LRBA: variants seen among roughly 807,000 people sequenced by gnomAD.
The protein encoded by LRBA is lipopolysaccharide-responsive and beige-like anchor protein.
A neutral mutation model predicts 330.0 loss-of-function variants in LRBA; 176 were observed. The ratio of observed to expected loss-of-function variants is 0.53; its 90% confidence interval spans 0.47 to 0.60. The LOEUF (loss-of-function observed/expected upper bound fraction) is 0.60, where lower values mean the gene tolerates loss of function less well. LRBA is among the 20% of genes least tolerant of loss of function. LRBA has a pLI of 0.00. For missense variants in LRBA, 3,259 were observed against 3,444.8 expected (o/e 0.95, Z 1.35); for synonymous variants, 1,230 against 1,193.0 (o/e 1.03, Z -0.64).
rs963925313 is a variant in LRBA at position 150,376,267 on chromosome 4, T to G, written c.7195-26108A>C. Among the ~76,000 whole-genome samples, 4 of 152,184 alleles carry G rather than the reference T, an allele frequency of 2.6e-5. No homozygotes were observed. The East Asian group carries it at 7.7e-4, about 29-fold the overall frequency. ...TTACTTTTTTTTTATGGCAACTCCT[T>G]TTATTAAAATATTAGGTAGTTTATC... is the stretch of plus-strand genomic sequence containing the variant. On this transcript the variant is annotated intron_variant, in intron 47 of 56. Transcript: ENST00000651943.
In LRBA at chr4:150,806,415, G is replaced by C. The variant is rs1408897913; in HGVS notation, c.5385-11C>G. The C allele has an allele frequency of 6.4e-7, 1 of 1,571,410 alleles. No homozygotes were observed. The highest frequency in any genetic ancestry group is 1.2e-5 in the South Asian group (1 of 81,750). On this transcript the variant is annotated splice_polypyrimidine_tract_variant and intron_variant, in intron 32 of 56. Coordinates refer to ENST00000651943, the MANE Select transcript of LRBA (RefSeq NM_001364905.1). ...AGCCTCTCTGTAATACTAAGGAAAA[G>C]ACATTAAGTTACTTGAACTATTCAA... is the stretch of plus-strand genomic sequence containing the variant.
At chr4:150,970,523 T>TTGTGTGTGTGTG (rs372306849) in intron 2 of LRBA, 14 of 115,632 alleles carry the variant, frequency 1.2e-4, no homozygotes, top group African/African-American at 4.4e-4. Flanking sequence ...TAATATATAC[T>TTGTGTGTGTGTG]TGTGTGTGTG....
At chr4:150,506,975 C>A (rs1162504016) in intron 40 of LRBA, among the ~76,000 whole-genome samples, 4 of 151,538 alleles carry the variant, frequency 2.6e-5, no homozygotes, top group Non-Finnish European at 5.9e-5. Flanking sequence ...CTCCCATTCA[C>A]AATTGCTTCA....
At chr4:150,639,044 T>A (rs1778222751) in intron 37 of LRBA, among the ~76,000 whole-genome samples, 1 of 125,692 alleles carries the variant, frequency 8.0e-6, no homozygotes, top group South Asian at 2.8e-4. Flanking sequence ...TGAGTTCATG[T>A]CCTTTGTAGG....
chr4:150,679,766 G>C (rs540485759), intron 37 of LRBA: 9 of 152,078 alleles, frequency 5.9e-5, no homozygotes, highest in African/African-American at 2.2e-4. Flanking sequence ...TTGATATGAG[G>C]TTCCGTTAAA....
At chr4:150,899,984 C>A in intron 14 of LRBA, 65 bp downstream of exon 14, 6 of 1,317,696 alleles carry the variant, frequency 4.6e-6, no homozygotes, top group East Asian at 2.4e-5. Context: ...CTGGTTAAAA[C>A]AAAAAGAAAA....
At chr4:150,424,005 T>C (rs1344397889) in intron 46 of LRBA, among the ~76,000 whole-genome samples, 1 of 152,178 alleles carries the variant, frequency 6.6e-6, no homozygotes, top group African/African-American at 2.4e-5. Context: ...TGTAATACAT[T>C]GTATTTCGCT....
chr4:150,480,229 C>T (rs1757146328), intron 42 of LRBA, among the ~76,000 whole-genome samples: 1 of 152,114 alleles, frequency 6.6e-6, no homozygotes, highest in African/African-American at 2.4e-5. Context: ...CATACACCTA[C>T]ACTCTCCCAA....
intron 40 of LRBA, among the ~76,000 whole-genome samples, chr4:150,549,624 C>A (rs1254442359): frequency 6.6e-6 from 1 of 152,168 alleles, no homozygotes; most frequent in Non-Finnish European, 1.5e-5. Context: ...AGCCACTGCA[C>A]CCAGCCTCAT....
At chr4:150,748,372 A>G (rs1157361253) in intron 35 of LRBA, among the ~76,000 whole-genome samples, 1 of 152,122 alleles carries the variant, frequency 6.6e-6, no homozygotes, top group Non-Finnish European at 1.5e-5. Flanking sequence ...ATCAACATAC[A>G]AAAGAATGAA....
intron 56 of LRBA, among the ~76,000 whole-genome samples, chr4:150,277,505 G>A (rs1368723210): frequency 1.3e-5 from 2 of 152,060 alleles, no homozygotes; most frequent in African/African-American, 4.8e-5. Context: ...TATTCCTTGA[G>A]AACTCAGCCT....
intron 46 of LRBA, chr4:150,423,614 A>G: frequency 3.2e-6 from 1 of 313,170 alleles, no homozygotes; most frequent in Non-Finnish European, 6.1e-6. Context: ...CGAATGGTGA[A>G]ATGTCCTCAC....
chr4:150,336,779 T>C (rs559435564), intron 48 of LRBA, among the ~76,000 whole-genome samples: 1 of 152,316 alleles, frequency 6.6e-6, no homozygotes, highest in African/African-American at 2.4e-5. Context: ...CCAGTTCTTG[T>C]AGCTGTCCAT....
intron 2 of LRBA, among the ~76,000 whole-genome samples, chr4:151,010,294 G>C (rs1744675799): frequency 6.6e-6 from 1 of 152,180 alleles, no homozygotes; most frequent in Admixed American, 6.6e-5. Context: ...CTTAAACTCA[G>C]CAGCAAGTTC....
At chr4:150,814,691 G>GA (rs1044598733) in intron 31 of LRBA, among the ~76,000 whole-genome samples, 3 of 149,018 alleles carry the variant, frequency 2.0e-5, no homozygotes, top group Admixed American at 6.7e-5. Flanking sequence ...GCTCAAGATG[G>GA]AAAAAAAAAT....
intron 40 of LRBA, among the ~76,000 whole-genome samples, chr4:150,508,273 G>C (rs1416893829): frequency 7.6e-6 from 1 of 131,058 alleles, no homozygotes; most frequent in Non-Finnish European, 1.6e-5. Context: ...CATCACATGA[G>C]ACCAAGCAGT....
At chr4:150,539,542 T>C (rs1765089603) in intron 40 of LRBA, among the ~76,000 whole-genome samples, 1 of 152,208 alleles carries the variant, frequency 6.6e-6, no homozygotes, top group Non-Finnish European at 1.5e-5. Flanking sequence ...TCAATTGAAA[T>C]TAATACCAGT....
At chr4:150,435,308 G>A (rs993355145) in intron 46 of LRBA, among the ~76,000 whole-genome samples, 1 of 152,054 alleles carries the variant, frequency 6.6e-6, no homozygotes, top group East Asian at 1.9e-4. Context: ...CCAAGATCAC[G>A]CCATTGCACT....
At position 150,506,911 on chromosome 4, in the gene LRBA, C is replaced by G. The variant is rs184711583; in HGVS notation, c.6331-15876G>C. Among the ~76,000 whole-genome samples the G allele has an allele frequency of 6.2e-4, 95 of 152,216 alleles. No individual in the cohort carries two copies. In the East Asian group the frequency reaches 0.01, roughly 17 times the overall value. Reference sequence around the variant, plus strand: ...GATATAAAATCAATGGCAAAAATCACAAGCATTCTTATACACGAATAACAG... The same window carrying G: ...GATATAAAATCAATGGCAAAAATCAGAAGCATTCTTATACACGAATAACAG... On this transcript the variant is annotated intron_variant, in intron 40 of 56. Transcript: ENST00000651943.
Sources: gnomAD v4.1 joint callset for allele counts (sites outside exome capture counted in the v4.1 genomes callset) on GRCh38, gnomAD v4.1.1 for gene constraint, MANE v1.5 for transcripts, NCBI Gene and HGNC (gene_info 2026-07-23, HGNC 2026-07-21) for gene names.